The following SLCO2B1 variants were observed in gnomAD, a reference collection of about 807,000 sequenced individuals.
SLCO2B1 encodes the protein OATP-RP2.
In SLCO2B1, 41 loss-of-function variants were observed where a neutral mutation model predicts 67.3. The observed-to-expected ratio is 0.61, with a 90% CI of 0.47 to 0.79. The LOEUF is 0.79. Ranked by LOEUF, SLCO2B1 falls within the 30% of genes least tolerant of loss-of-function variation. The pLI, the probability that SLCO2B1 is intolerant of heterozygous loss-of-function variation, is 0.00. For missense variants in SLCO2B1, 837 were observed against 920.1 expected, an observed-to-expected ratio of 0.91 and a Z score of 1.17; for synonymous variants, 379 against 381.4, an observed-to-expected ratio of 0.99 and a Z score of 0.07.
chr11:75,169,562 G>T, intron 5 of SLCO2B1, 104 bp from the exon 6 acceptor site: 1 of 1,220,356 alleles, frequency 8.2e-7, no homozygotes, highest in South Asian at 1.4e-5. Context: ...CCCCATCCCT[G>T]ACCAGGGGAG....
At chr11:75,172,605 C>T (rs775210066) in intron 7 of SLCO2B1, 36 bp downstream of exon 7, 1 of 1,560,220 alleles carries the variant, frequency 6.4e-7, no homozygotes, top group Admixed American at 1.7e-5. Flanking sequence ...TGGGTCCAGG[C>T]TCCAGCACCA....
At chr11:75,156,560 T>A (rs11236357) in intron 1 of SLCO2B1, among the ~76,000 whole-genome samples, 40,896 of 151,942 alleles carry the variant, frequency 0.27, 5,960 homozygotes, top group Admixed American at 0.41. Flanking sequence ...AGGAATGGAT[T>A]GCCCAGCATC....
At chr11:75,175,374 G>A (rs1044758150) in intron 7 of SLCO2B1, among the ~76,000 whole-genome samples, 1 of 152,134 alleles carries the variant, frequency 6.6e-6, no homozygotes, top group Non-Finnish European at 1.5e-5. Context: ...TTGGCTGCCA[G>A]AAAGTCCAGG....
intron 7 of SLCO2B1, among the ~76,000 whole-genome samples, chr11:75,179,008 TC>T (rs1950060453): frequency 2.0e-5 from 3 of 152,210 alleles, no homozygotes; most frequent in Non-Finnish European, 4.4e-5. Context: ...CTTTATCCAT[TC>T]ATCCATTGAT....
intron 3 of SLCO2B1, 91 bp downstream of exon 3, chr11:75,164,191 G>A (rs1300929318): frequency 1.4e-5 from 19 of 1,400,238 alleles, no homozygotes; most frequent in African/African-American, 2.9e-5. Context: ...CCTACCTTAA[G>A]GCCTTCCCCT....
chr11:75,196,704 C>A, intron 10 of SLCO2B1, 25 bp downstream of exon 10: 1 of 1,605,870 alleles, frequency 6.2e-7, no homozygotes, highest in Non-Finnish European at 8.5e-7. Context: ...TCGTGGCAAC[C>A]TCTGCCCCTC....
At chr11:75,159,398 G>T (rs1326899041) in intron 1 of SLCO2B1, among the ~76,000 whole-genome samples, 2 of 152,196 alleles carry the variant, frequency 1.3e-5, no homozygotes, top group Non-Finnish European at 1.5e-5. Context: ...CTTCATTCCC[G>T]CAGGCAACCG....
intron 5 of SLCO2B1, 52 bp downstream of exon 5, chr11:75,169,458 A>T: frequency 6.8e-7 from 1 of 1,474,664 alleles, no homozygotes. Flanking sequence ...AGGCTCAACT[A>T]GGAGGAAGAG....
chr11:75,179,992 C>G (rs889460958), intron 7 of SLCO2B1, among the ~76,000 whole-genome samples: 1 of 151,360 alleles, frequency 6.6e-6, no homozygotes, highest in Non-Finnish European at 1.5e-5. Context: ...ACACCTGGCC[C>G]TGGTCCCTCT....
At chr11:75,168,468 T>C (rs1318544696) in intron 4 of SLCO2B1, among the ~76,000 whole-genome samples, 1 of 152,178 alleles carries the variant, frequency 6.6e-6, no homozygotes, top group African/African-American at 2.4e-5. Flanking sequence ...GAGGGTCTCC[T>C]CAAGTTTGCT....
At chr11:75,184,223 A>T (rs891496252) in intron 7 of SLCO2B1, among the ~76,000 whole-genome samples, 1 of 152,182 alleles carries the variant, frequency 6.6e-6, no homozygotes, top group Non-Finnish European at 1.5e-5. Flanking sequence ...GATATTTACT[A>T]GATAACCACT....
In SLCO2B1 at chr11:75,162,783, A is replaced by C; in HGVS notation, c.145A>C (p.Lys49Gln). ...DVRPSVFHNI[K>Q]LFVLCHSLLQ... ...GCGGCCAAGTGTGTTCCATAACATC[A>C]AGGTACCTCTCAGGGCCTGGCAGGG... Residue 49 changes from lysine to glutamine, a missense_variant and splice_region_variant, in exon 2 of 14, where the codon AAG (lysine) becomes CAG (glutamine). By Grantham distance (53) the Lys-to-Gln change is moderately conservative. Coordinates refer to ENST00000289575, the MANE Select transcript of SLCO2B1 (RefSeq NM_007256.5). 6.2e-7 allele frequency: 1 copy of C among 1,613,290 alleles called. No individual in the cohort carries two copies. The highest frequency in any genetic ancestry group is 8.5e-7 in the Non-Finnish European group (1 of 1,179,622).
At chr11:75,169,120 C>A in intron 4 of SLCO2B1, 53 bp from the exon 5 acceptor site, 3 of 1,416,534 alleles carry the variant, frequency 2.1e-6, no homozygotes, top group Non-Finnish European at 2.9e-6. Flanking sequence ...CCGGGGTAAG[C>A]GCTATTTAAG....
At chr11:75,172,590 C>G (rs1182750500) in intron 7 of SLCO2B1, 21 bp downstream of exon 7, 2 of 1,601,766 alleles carry the variant, frequency 1.2e-6, no homozygotes, top group Non-Finnish European at 1.7e-6. Context: ...TCCATGTCAC[C>G]TGACTGGGTC....
intron 7 of SLCO2B1, among the ~76,000 whole-genome samples, chr11:75,175,476 G>T (rs76235356): frequency 0.021 from 3,135 of 152,180 alleles, 104 homozygotes; most frequent in African/African-American, 0.071. Context: ...ATCTCACCAG[G>T]CGTCCCCTCC....
rs980143851 is a variant in SLCO2B1, at chr11:75,193,298, A to T, written c.1156A>T (p.Met386Leu). Residue 386 changes from methionine (M) to leucine (L), a missense_variant, in exon 9 of 14, where the codon ATG (methionine) becomes TTG (leucine). Coordinates refer to ENST00000289575, the MANE Select transcript of SLCO2B1 (RefSeq NM_007256.5). The surrounding 1 kb of genome is among the most constrained non-coding windows in gnomAD (Gnocchi z 4.2). Reference protein sequence around the residue: ...VVLSQVCLSSMAAGMATFLPK... With the variant: ...VVLSQVCLSSLAAGMATFLPK... ...CCTGTCCCAGGTATGCTTGTCATCC[A>T]TGGCTGCGGGCATGGCCACCTTCCT... is the stretch of plus-strand genomic sequence containing the variant. 6.2e-7 allele frequency: 1 copy of T among 1,613,998 alleles called. No homozygotes were observed. The highest frequency in any genetic ancestry group is 8.5e-7 in the Non-Finnish European group (1 of 1,180,016).
chr11:75,162,710 C>A lies in SLCO2B1; in HGVS notation c.72C>A (p.Gly24=). The change falls in exon 2 of 14, where the codon GGC becomes GGA. Residue 24 remains glycine, a synonymous_variant. Coordinates refer to ENST00000289575, the MANE Select transcript of SLCO2B1 (RefSeq NM_007256.5). The stretch of plus-strand genomic sequence containing the variant: ...ACAAGGAAACCAAAGCCACAATGGG[C>A]ACAGAAAACACACCTGGAGGCAAAG... The part of the protein sequence containing the change: ...VPDKETKATM[G]TENTPGGKAS... 6.5e-7 allele frequency: 1 copy of A among 1,542,570 alleles called. No homozygotes were observed. The highest frequency in any genetic ancestry group is 8.8e-7 in the Non-Finnish European group (1 of 1,137,766).
Position 75,155,918 on chromosome 11 carries a change from T to TG in SLCO2B1, c.16+4527dup, listed in dbSNP as rs1949741394. ...AGCCAGGGAATAATGCTCACTAGGG[T>TG]GGGGGGTACGTGGGATGGGACTGGC... On this transcript the variant is annotated intron_variant, in intron 1 of 13. Transcript: ENST00000289575. 6.6e-5 allele frequency among the ~76,000 whole-genome samples: 10 copies of TG among 151,484 alleles called. No homozygotes were observed. In the South Asian group the frequency reaches 2.1e-3, roughly 32 times the overall value.
At position 75,196,676 on chromosome 11, in the gene SLCO2B1, C is replaced by T. The variant is rs61555831; in HGVS notation, c.1596C>T (p.Ser532=). Residue 532 remains serine, a synonymous_variant, in exon 10 of 14, where the codon AGC becomes AGT. Transcript: ENST00000289575. ...SWVVQDALDN[S]QVFYTNCSCV... ...TGGTCCAGGATGCTCTGGACAACAG[C>T]CAGGTGAGTCAGGCCTCTCGTGGCA... is the stretch of plus-strand genomic sequence containing the variant. 0.027 allele frequency: 43,071 copies of T among 1,612,478 alleles called. 1,877 individuals carry two copies. The highest frequency in any genetic ancestry group is 0.2 in the African/African-American group (14,740 of 74,930).
Sources: gnomAD v4.1 joint callset for allele counts (sites outside exome capture counted in the v4.1 genomes callset) on GRCh38, gnomAD v4.1.1 for gene constraint, Gnocchi (gnomAD v3.1) non-coding constraint, MANE v1.5 for transcripts, NCBI Gene and HGNC (gene_info 2026-07-23, HGNC 2026-07-21) for gene names.